The following DNM3 variants were observed in gnomAD, a reference collection of about 807,000 sequenced individuals.
DNM3 encodes the protein dynamin 3.
In DNM3, 47 loss-of-function variants were observed where a neutral mutation model predicts 101.6. The ratio of observed to expected loss-of-function variants is 0.46; its 90% CI spans 0.37 to 0.59. The LOEUF is 0.59. Ranked by LOEUF, DNM3 falls within the 20% of genes least tolerant of loss-of-function variation. DNM3 has a pLI of 0.00. For synonymous variants in DNM3, 385 were observed against 387.9 expected, an observed-to-expected ratio of 0.99 and a Z score of 0.09; for missense variants, 849 against 1,085.7, an observed-to-expected ratio of 0.78 and a Z score of 3.06.
At chr1:172,058,666 T>A (rs1361499245) in intron 10 of DNM3, among the ~76,000 whole-genome samples, 3 of 152,056 alleles carry the variant, frequency 2.0e-5, no homozygotes, top group Non-Finnish European at 1.5e-5. Flanking sequence ...AGACACAACA[T>A]ACCAGAATCT....
intron 6 of DNM3, among the ~76,000 whole-genome samples, chr1:172,035,388 C>G (rs1262973435): frequency 1.3e-5 from 2 of 151,928 alleles, no homozygotes; most frequent in African/African-American, 4.8e-5. Flanking sequence ...TTTATTGAAG[C>G]CAGGATGGAA....
At chr1:172,223,358 C>CA (rs1283834066) in intron 14 of DNM3, among the ~76,000 whole-genome samples, 1 of 151,022 alleles carries the variant, frequency 6.6e-6, no homozygotes, top group African/African-American at 2.4e-5. Context: ...CGGCAGGCAC[C>CA]AATTGGCAGG....
chr1:172,185,067 TCTCA>T (rs368348734), intron 14 of DNM3, among the ~76,000 whole-genome samples: 3 of 152,208 alleles, frequency 2.0e-5, no homozygotes, highest in African/African-American at 7.2e-5. Flanking sequence ...GGGCAGCTCC[TCTCA>T]CTCAGTGTTC....
chr1:172,417,999 T>C (rs537284856), intron 20 of DNM3, among the ~76,000 whole-genome samples: 1 of 152,354 alleles, frequency 6.6e-6, no homozygotes, highest in South Asian at 2.1e-4. Context: ...TATCATTCCA[T>C]GGTGCAAAAT....
intron 2 of DNM3, among the ~76,000 whole-genome samples, chr1:171,939,449 A>T (rs915530021): frequency 6.6e-6 from 1 of 152,194 alleles, no homozygotes; most frequent in Non-Finnish European, 1.5e-5. Context: ...GGAGGTTTGT[A>T]GCTGCCTTGA....
chr1:172,369,396 C>G (rs1011163414), intron 17 of DNM3, among the ~76,000 whole-genome samples: 3 of 151,844 alleles, frequency 2.0e-5, no homozygotes, highest in African/African-American at 7.3e-5. Flanking sequence ...TCAATAGATA[C>G]AGATAAAAAT....
intron 15 of DNM3, among the ~76,000 whole-genome samples, chr1:172,264,170 C>T (rs2062773359): frequency 6.6e-6 from 1 of 152,180 alleles, no homozygotes; most frequent in South Asian, 2.1e-4. Flanking sequence ...TAGTATTAGT[C>T]AAAGCCAATA....
chr1:172,374,054 C>T (rs781091726), intron 17 of DNM3, among the ~76,000 whole-genome samples: 5 of 152,134 alleles, frequency 3.3e-5, no homozygotes, highest in East Asian at 3.9e-4. Flanking sequence ...GGGACATGTA[C>T]GTGTTGTCTG....
intron 9 of DNM3, among the ~76,000 whole-genome samples, chr1:172,045,251 G>A (rs1037425449): frequency 1.3e-5 from 2 of 152,180 alleles, no homozygotes; most frequent in Non-Finnish European, 1.5e-5. Context: ...ATCTTAGTCT[G>A]TTTGGACTGC....
intron 14 of DNM3, among the ~76,000 whole-genome samples, chr1:172,243,624 G>A (rs1209148256): frequency 6.6e-6 from 1 of 152,118 alleles, no homozygotes; most frequent in African/African-American, 2.4e-5. Context: ...TGAAGCCAGT[G>A]GTCTAAAGAC....
chr1:171,881,575 C>A (rs1289919215), intron 1 of DNM3, among the ~76,000 whole-genome samples: 1 of 152,172 alleles, frequency 6.6e-6, no homozygotes, highest in East Asian at 1.9e-4. Context: ...GAGCCACAAG[C>A]AGCTCCATAG....
chr1:171,942,497 G>A (rs909123903), intron 2 of DNM3, among the ~76,000 whole-genome samples: 1 of 152,026 alleles, frequency 6.6e-6, no homozygotes, highest in African/African-American at 2.4e-5. Context: ...AATAATAGGT[G>A]AATATTAGAT....
intron 1 of DNM3, among the ~76,000 whole-genome samples, chr1:171,860,993 G>A (rs991652209): frequency 4.6e-5 from 7 of 152,028 alleles, no homozygotes; most frequent in Non-Finnish European, 7.4e-5. Flanking sequence ...GCACAGAGGA[G>A]AGTTTAACTG....
chr1:172,340,288 C>T (rs1173717255), intron 17 of DNM3, among the ~76,000 whole-genome samples: 1 of 152,094 alleles, frequency 6.6e-6, no homozygotes, highest in East Asian at 1.9e-4. Context: ...TCAACATATT[C>T]CCTTGTATTA....
At chr1:172,198,043 T>A (rs2060017636) in intron 14 of DNM3, among the ~76,000 whole-genome samples, 1 of 152,150 alleles carries the variant, frequency 6.6e-6, no homozygotes, top group Non-Finnish European at 1.5e-5. Flanking sequence ...TAGCTGTGGG[T>A]TTGTCACAAA....
intron 2 of DNM3, among the ~76,000 whole-genome samples, chr1:171,976,208 C>T (rs1011958250): frequency 3.9e-5 from 6 of 152,178 alleles, no homozygotes; most frequent in Non-Finnish European, 7.3e-5. Context: ...TAATACCTTC[C>T]ACCATACACA....
chr1:172,395,055 C>T (rs184546466), intron 20 of DNM3, among the ~76,000 whole-genome samples: 6 of 152,210 alleles, frequency 3.9e-5, no homozygotes, highest in South Asian at 2.1e-4. Context: ...ACGACGTCAA[C>T]GATTCATGGC....
chr1:172,300,554 C>T (rs747960825), intron 15 of DNM3, among the ~76,000 whole-genome samples: 22 of 152,110 alleles, frequency 1.4e-4, no homozygotes, highest in Non-Finnish European at 2.9e-4. Flanking sequence ...CAAAAATAAG[C>T]AATGGGGAAA....
chr1:172,294,450 A>C (rs2064061061), intron 15 of DNM3, among the ~76,000 whole-genome samples: 1 of 152,214 alleles, frequency 6.6e-6, no homozygotes, highest in Non-Finnish European at 1.5e-5. Context: ...TATGGAGGCT[A>C]TAAACCAAGG....
Sources: gnomAD v4.1 joint callset for allele counts (sites outside exome capture counted in the v4.1 genomes callset) on GRCh38, gnomAD v4.1.1 for gene constraint, MANE v1.5 for transcripts, NCBI Gene and HGNC (gene_info 2026-07-23, HGNC 2026-07-21) for gene names.